The following AGBL4 variants were observed in gnomAD, a reference collection of about 807,000 sequenced individuals.
The protein encoded by AGBL4 is cytosolic carboxypeptidase 6.
Under a neutral mutation model 66.4 loss-of-function variants are expected in AGBL4, and 58 were observed. The observed-to-expected ratio is 0.87, with a 90% CI of 0.71 to 1.09. AGBL4 has a LOEUF of 1.09. Among genes scored for constraint, AGBL4 ranks in the 50% least tolerant of loss-of-function variants. The probability of loss-of-function intolerance (pLI) is 0.00; values close to 1 mark genes in which losing one functional copy is unlikely to be tolerated. For missense variants in AGBL4, 579 were observed against 631.0 expected, an observed-to-expected ratio of 0.92 and a Z score of 0.88; for synonymous variants, 234 against 222.9, an observed-to-expected ratio of 1.05 and a Z score of -0.44.
chr1:48,649,740 C>A (rs973686040), intron 8 of AGBL4, among the ~76,000 whole-genome samples: 3 of 152,126 alleles, frequency 2.0e-5, no homozygotes, highest in Non-Finnish European at 4.4e-5. Flanking sequence ...CCCTGACCAG[C>A]CTTCCTAGAT....
intron 5 of AGBL4, among the ~76,000 whole-genome samples, chr1:48,930,279 T>C (rs918829849): frequency 6.6e-6 from 1 of 151,970 alleles, no homozygotes; most frequent in Non-Finnish European, 1.5e-5. Flanking sequence ...TCTGGAGAAA[T>C]TTTCTACTTT....
chr1:49,444,606 T>G (rs1646111331), intron 3 of AGBL4, among the ~76,000 whole-genome samples: 1 of 152,048 alleles, frequency 6.6e-6, no homozygotes, highest in South Asian at 2.1e-4. Flanking sequence ...CTGCTTGCTT[T>G]TGGTTTCTGC....
chr1:49,426,512 A>C lies in AGBL4; in HGVS notation c.283-180648T>G, dbSNP rs145959930. On this transcript the variant is annotated intron_variant, in intron 3 of 13. Coordinates refer to ENST00000371839, the MANE Select transcript of AGBL4 (RefSeq NM_032785.4). ...TGGTGTGGCAATAATATTAATAATA[A>C]TTAATAAGAGCAATAGCTTCTGCCT... Among the ~76,000 whole-genome samples the C allele has an allele frequency of 3.8e-3, 582 of 151,992 alleles. 2 individuals are homozygous for C. Among genetic ancestry groups the C allele is most frequent in the Non-Finnish European group, 5.2e-3 (353 of 68,022 alleles).
intron 2 of AGBL4, chr1:49,845,618 C>T (rs1476220618): frequency 5.0e-6 from 8 of 1,607,482 alleles, no homozygotes; most frequent in Admixed American, 3.3e-5. Flanking sequence ...ACCCAGATCA[C>T]ACCACTGATT....
intron 4 of AGBL4, among the ~76,000 whole-genome samples, chr1:49,046,935 G>A (rs1403763704): frequency 6.6e-6 from 1 of 152,104 alleles, no homozygotes; most frequent in African/African-American, 2.4e-5. Flanking sequence ...AGACTACAGG[G>A]GCATATGAAG....
chr1:48,727,384 C>G (rs1259034580), intron 6 of AGBL4: 1 of 152,084 alleles, frequency 6.6e-6, no homozygotes, highest in Admixed American at 6.6e-5. Context: ...AGAAAGCAAC[C>G]ACATCTCTTA....
At chr1:49,015,827 T>C (rs529538554) in intron 5 of AGBL4, among the ~76,000 whole-genome samples, 11 of 152,122 alleles carry the variant, frequency 7.2e-5, no homozygotes, top group Non-Finnish European at 1.3e-4. Context: ...TTTTTTTCGT[T>C]TTAAAGAAAG....
chr1:49,530,545 A>G (rs1350446958), intron 3 of AGBL4, among the ~76,000 whole-genome samples: 1 of 152,022 alleles, frequency 6.6e-6, no homozygotes, highest in African/African-American at 2.4e-5. Context: ...TCATTTAAGT[A>G]TATCCCAGCC....
chr1:48,681,487 G>A (rs1646453981), intron 6 of AGBL4, among the ~76,000 whole-genome samples: 1 of 152,182 alleles, frequency 6.6e-6, no homozygotes, highest in Non-Finnish European at 1.5e-5. Flanking sequence ...GGGGTTGGGA[G>A]CTGTGCCCTT....
intron 11 of AGBL4, among the ~76,000 whole-genome samples, chr1:48,544,214 C>G (rs1056370290): frequency 4.9e-4 from 74 of 152,214 alleles, no homozygotes; most frequent in African/African-American, 1.8e-3. Context: ...TGGGCATGAC[C>G]TCTCTGAGCA....
intron 6 of AGBL4, among the ~76,000 whole-genome samples, chr1:48,693,255 G>T (rs1456565331): frequency 6.6e-6 from 1 of 152,092 alleles, no homozygotes; most frequent in Non-Finnish European, 1.5e-5. Flanking sequence ...GCTGGGAAAG[G>T]GAGTGTATCT....
At chr1:49,001,566 TG>T (rs1458520763) in intron 5 of AGBL4, among the ~76,000 whole-genome samples, 1 of 152,178 alleles carries the variant, frequency 6.6e-6, no homozygotes, top group Non-Finnish European at 1.5e-5. Context: ...CAGCCCTCCT[TG>T]ACTCCAACCC....
chr1:49,426,168 G>A (rs142481699), intron 3 of AGBL4, among the ~76,000 whole-genome samples: 8 of 152,084 alleles, frequency 5.3e-5, no homozygotes, highest in East Asian at 1.9e-4. Flanking sequence ...AATACAATGC[G>A]TGGGATTCTC....
At chr1:49,722,435 G>A (rs961093978) in intron 2 of AGBL4, among the ~76,000 whole-genome samples, 1 of 151,914 alleles carries the variant, frequency 6.6e-6, no homozygotes, top group Non-Finnish European at 1.5e-5. Flanking sequence ...TTGATGTACA[G>A]GAATTAATTC....
At chr1:49,636,086 C>T (rs1645666168) in intron 3 of AGBL4, among the ~76,000 whole-genome samples, 1 of 152,064 alleles carries the variant, frequency 6.6e-6, no homozygotes, top group Admixed American at 6.6e-5. Flanking sequence ...TCTTATCATA[C>T]ACGAAAATTA....
At chr1:49,469,331 T>C (rs2148710120) in intron 3 of AGBL4, among the ~76,000 whole-genome samples, 1 of 151,948 alleles carries the variant, frequency 6.6e-6, no homozygotes, top group African/African-American at 2.4e-5. Flanking sequence ...TTTCAATCTT[T>C]TGAGATTTCA....
intron 6 of AGBL4, among the ~76,000 whole-genome samples, chr1:48,759,821 C>T (rs777229787): frequency 6.6e-6 from 1 of 152,214 alleles, no homozygotes; most frequent in Non-Finnish European, 1.5e-5. Flanking sequence ...ATGTTAAAAA[C>T]TCTAATCTAC....
Position 50,023,804 on chromosome 1 carries a change from G to T in AGBL4, c.-8C>A. ...CTGGCTCCCCTCCGCCATTTTTGTT[G>T]TCCCTCAGTCTCCGAGCTCACGCGA... On this transcript the variant is annotated 5_prime_UTR_variant, in exon 1 of 14. Transcript: ENST00000371839. 6.5e-7 allele frequency: 1 copy of T among 1,549,124 alleles called. No homozygotes were observed. The highest frequency in any genetic ancestry group is 8.7e-7 in the Non-Finnish European group (1 of 1,145,944).
chr1:49,123,152 C>T (rs1645694588), intron 4 of AGBL4, among the ~76,000 whole-genome samples: 1 of 152,072 alleles, frequency 6.6e-6, no homozygotes. Flanking sequence ...TGCGCCCAGC[C>T]CTGTTAGCTA....
Sources: gnomAD v4.1 joint callset for allele counts (sites outside exome capture counted in the v4.1 genomes callset) on GRCh38, gnomAD v4.1.1 for gene constraint, MANE v1.5 for transcripts, NCBI Gene and HGNC (gene_info 2026-07-23, HGNC 2026-07-21) for gene names.